SLC25A21: variants seen among roughly 807,000 people sequenced by gnomAD.
SLC25A21 encodes the protein solute carrier family 25 member 21.
In SLC25A21, 47 loss-of-function variants were observed where a neutral mutation model predicts 43.8. The ratio of observed to expected loss-of-function variants is 1.07; its 90% CI spans 0.85 to 1.37. SLC25A21 has a LOEUF of 1.37. Ranked by LOEUF, SLC25A21 falls within the 40% of genes most tolerant of loss-of-function variation. The probability of loss-of-function intolerance (pLI) is 0.00; values close to 1 mark genes in which losing one functional copy is unlikely to be tolerated. For synonymous variants in SLC25A21, 131 were observed against 121.3 expected (o/e 1.08, Z -0.52); for missense variants, 352 against 350.2 (o/e 1.00, Z -0.04).
intron 1 of SLC25A21, among the ~76,000 whole-genome samples, chr14:36,988,666 C>T (rs1223552528): frequency 1.6e-4 from 24 of 152,192 alleles, no homozygotes; most frequent in Non-Finnish European, 2.9e-5. Context: ...AAGCTCCACT[C>T]AGACCAACTG....
At chr14:37,010,698 T>A (rs1046415283) in intron 1 of SLC25A21, among the ~76,000 whole-genome samples, 1 of 152,288 alleles carries the variant, frequency 6.6e-6, no homozygotes, top group East Asian at 1.9e-4. Flanking sequence ...TAAATGTATA[T>A]TTAACAGTTT....
intron 1 of SLC25A21, among the ~76,000 whole-genome samples, chr14:37,032,464 A>T (rs1387620382): frequency 1.3e-5 from 2 of 152,122 alleles, no homozygotes; most frequent in South Asian, 2.1e-4. Context: ...TGAACCCAGG[A>T]GGTGGAGCTT....
chr14:37,038,837 C>T (rs1389280256), intron 1 of SLC25A21, among the ~76,000 whole-genome samples: 1 of 152,148 alleles, frequency 6.6e-6, no homozygotes, highest in East Asian at 1.9e-4. Context: ...TTTGCTGAAG[C>T]CTGACGTCCT....
intron 1 of SLC25A21, among the ~76,000 whole-genome samples, chr14:37,086,160 G>T (rs755451419): frequency 1.5e-4 from 22 of 151,712 alleles, no homozygotes; most frequent in Admixed American, 6.6e-4. Flanking sequence ...GGGGCCTGGG[G>T]TTTTTTTTAT....
intron 1 of SLC25A21, among the ~76,000 whole-genome samples, chr14:36,903,368 T>A (rs769853167): frequency 6.6e-6 from 1 of 151,966 alleles, no homozygotes; most frequent in Non-Finnish European, 1.5e-5. Context: ...ATAAATTGCT[T>A]TGGGAGGCCA....
At chr14:36,753,339 T>C (rs1258907857) in intron 3 of SLC25A21, among the ~76,000 whole-genome samples, 1 of 152,138 alleles carries the variant, frequency 6.6e-6, no homozygotes, top group Non-Finnish European at 1.5e-5. Flanking sequence ...TAATTCCAAT[T>C]AGGTTTCCAG....
chr14:37,041,070 T>C (rs1961460964), intron 1 of SLC25A21, among the ~76,000 whole-genome samples: 1 of 152,074 alleles, frequency 6.6e-6, no homozygotes, highest in South Asian at 2.1e-4. Flanking sequence ...AGGAAGAAGA[T>C]AGAGAGTGAA....
intron 1 of SLC25A21, among the ~76,000 whole-genome samples, chr14:36,921,975 T>C (rs539579739): frequency 1.3e-5 from 2 of 151,406 alleles, no homozygotes; most frequent in African/African-American, 4.9e-5. Context: ...TGAAACCCCA[T>C]CTCTACTAAA....
intron 2 of SLC25A21, among the ~76,000 whole-genome samples, chr14:36,833,928 A>C (rs552396960): frequency 6.6e-6 from 1 of 152,208 alleles, no homozygotes; most frequent in Non-Finnish European, 1.5e-5. Flanking sequence ...ATTAAAACAG[A>C]AAATAAGATA....
chr14:36,890,967 C>T (rs991819905), intron 1 of SLC25A21, among the ~76,000 whole-genome samples: 8 of 152,106 alleles, frequency 5.3e-5, no homozygotes, highest in African/African-American at 1.4e-4. Context: ...CCTCCAAAGA[C>T]GGGTTACTTT....
chr14:36,869,657 A>C (rs549265723), intron 2 of SLC25A21, among the ~76,000 whole-genome samples: 5 of 152,306 alleles, frequency 3.3e-5, no homozygotes, highest in Non-Finnish European at 1.5e-5. Flanking sequence ...AGACTATAAG[A>C]ACAGCTTCAG....
chr14:37,114,655 T>C (rs1031108304), intron 1 of SLC25A21, among the ~76,000 whole-genome samples: 1 of 152,190 alleles, frequency 6.6e-6, no homozygotes, highest in South Asian at 2.1e-4. Flanking sequence ...GAAATCGCTG[T>C]GAGAAAGTGT....
chr14:36,919,562 A>T (rs1891919844), intron 1 of SLC25A21, among the ~76,000 whole-genome samples: 1 of 151,998 alleles, frequency 6.6e-6, no homozygotes, highest in Non-Finnish European at 1.5e-5. Context: ...GTACATAAAC[A>T]TAGATATAGA....
intron 3 of SLC25A21, among the ~76,000 whole-genome samples, chr14:36,786,249 G>T (rs1887246727): frequency 6.6e-6 from 1 of 152,186 alleles, no homozygotes; most frequent in African/African-American, 2.4e-5. Context: ...CACCAGAGTA[G>T]GCACTCATTA....
intron 1 of SLC25A21, among the ~76,000 whole-genome samples, chr14:37,067,273 T>C (rs1962079708): frequency 6.6e-6 from 1 of 152,146 alleles, no homozygotes; most frequent in South Asian, 2.1e-4. Context: ...TAAAACTGCA[T>C]TACTCCAAAA....
chr14:36,949,898 C>T (rs1892765671), intron 1 of SLC25A21, among the ~76,000 whole-genome samples: 1 of 152,146 alleles, frequency 6.6e-6, no homozygotes, highest in Non-Finnish European at 1.5e-5. Flanking sequence ...GGAAGGGGCT[C>T]TGGACACATT....
intron 1 of SLC25A21, among the ~76,000 whole-genome samples, chr14:36,909,932 A>C (rs956896925): frequency 6.6e-6 from 1 of 152,164 alleles, no homozygotes; most frequent in Non-Finnish European, 1.5e-5. Context: ...TACCATTCCA[A>C]AGAACTGTAG....
At chr14:36,896,587 G>A (rs1053815921) in intron 1 of SLC25A21, among the ~76,000 whole-genome samples, 5 of 152,090 alleles carry the variant, frequency 3.3e-5, no homozygotes, top group African/African-American at 1.2e-4. Flanking sequence ...CATTATGATG[G>A]TAGCTGGTTA....
At chr14:36,825,300 A>C (rs1393155512) in intron 2 of SLC25A21, among the ~76,000 whole-genome samples, 1 of 152,210 alleles carries the variant, frequency 6.6e-6, no homozygotes, top group Non-Finnish European at 1.5e-5. Flanking sequence ...AAATGCCTTT[A>C]ATAATAAACA....
Sources: allele counts gnomAD v4.1 joint callset (sites outside exome capture counted in the v4.1 genomes callset), GRCh38; gene constraint gnomAD v4.1.1; transcripts MANE v1.5; gene names NCBI Gene and HGNC (gene_info 2026-07-23, HGNC 2026-07-21).